Variants in NUP93 observed in about 807,000 individuals in gnomAD.
NUP93 encodes nuclear pore complex protein Nup93.
In NUP93, 55 loss-of-function variants were observed where a neutral mutation model predicts 107.8. The ratio of observed to expected loss-of-function variants is 0.51; its 90% CI spans 0.41 to 0.64. The LOEUF is 0.64. Among genes scored for constraint, NUP93 ranks in the 30% least tolerant of loss-of-function variants. The pLI is 0.00. For missense variants in NUP93, 937 were observed against 1,044.7 expected, an observed-to-expected ratio of 0.90 and a Z score of 1.42; for synonymous variants, 390 against 397.5, an observed-to-expected ratio of 0.98 and a Z score of 0.22.
At chr16:56,750,751 T>C in intron 2 of NUP93, among the ~76,000 whole-genome samples, 1 of 152,212 alleles carries the variant, frequency 6.6e-6, no homozygotes, top group Middle Eastern at 3.2e-3. Context: ...ACAGAGATCA[T>C]GTGCCCTGCA....
At chr16:56,816,749 C>A (rs957583086) in intron 5 of NUP93, among the ~76,000 whole-genome samples, 2 of 152,124 alleles carry the variant, frequency 1.3e-5, no homozygotes, top group African/African-American at 4.8e-5. Context: ...GGGATCAACA[C>A]ATGAGGACCT....
intron 1 of NUP93, among the ~76,000 whole-genome samples, chr16:56,744,134 T>G (rs1961782807): frequency 6.6e-6 from 1 of 152,166 alleles, no homozygotes; most frequent in African/African-American, 2.4e-5. Context: ...TTCCTGTGCC[T>G]CTCCTCCATA....
intron 3 of NUP93, among the ~76,000 whole-genome samples, chr16:56,763,478 C>G (rs1421381388): frequency 1.6e-4 from 24 of 151,624 alleles, no homozygotes; most frequent in Admixed American, 1.6e-3. Context: ...GTAGAAGGAA[C>G]TGCTTGTGTG....
chr16:56,830,611 A>G lies in NUP93; in HGVS notation c.1011A>G (p.Val337=), dbSNP rs959002149. 6 of 1,610,960 alleles carry G rather than the reference A, an allele frequency of 3.7e-6. No homozygotes were observed. The highest frequency in any genetic ancestry group is 5.1e-6 in the Non-Finnish European group (6 of 1,177,352). ...GAGACCTGCTTGCCGCTTCACAGGT[A>G]GTTAATCGAGCCCAGCACCAGCTGG... is the stretch of plus-strand genomic sequence containing the variant. ...RCGDLLAASQ[V]VNRAQHQLGE... Residue 337 remains valine (V), a synonymous_variant, in exon 10 of 22, where the codon GTA becomes GTG. Coordinates refer to ENST00000308159, the MANE Select transcript of NUP93 (RefSeq NM_014669.5).
At chr16:56,783,164 G>A (rs576992654) in intron 3 of NUP93, among the ~76,000 whole-genome samples, 14 of 152,254 alleles carry the variant, frequency 9.2e-5, no homozygotes, top group African/African-American at 3.1e-4. Flanking sequence ...GATGCATATG[G>A]CTTTTTATCC....
intron 2 of NUP93, among the ~76,000 whole-genome samples, chr16:56,750,517 G>A (rs533281485): frequency 6.6e-6 from 1 of 152,182 alleles, no homozygotes; most frequent in Non-Finnish European, 1.5e-5. Flanking sequence ...TTTTGTTTTA[G>A]AGAATAGCTT....
intron 1 of NUP93, among the ~76,000 whole-genome samples, chr16:56,747,616 A>G (rs1420377899): frequency 6.6e-6 from 1 of 151,910 alleles, no homozygotes; most frequent in Non-Finnish European, 1.5e-5. Flanking sequence ...GAATAACAGT[A>G]GGGGAGAGAG....
intron 3 of NUP93, chr16:56,782,137 CAT>C (rs1962527788): frequency 2.0e-6 from 2 of 985,226 alleles, no homozygotes; most frequent in African/African-American, 3.5e-5. Context: ...GAGCTCATCT[CAT>C]ATAAGAAGGT....
At chr16:56,730,539 C>A (rs1463600809) in intron 1 of NUP93, among the ~76,000 whole-genome samples, 2 of 152,148 alleles carry the variant, frequency 1.3e-5, no homozygotes, top group East Asian at 3.9e-4. Context: ...CCCGCGAGCC[C>A]ACCCTGCCTA....
chr16:56,760,945 C>A (rs1337895876), intron 3 of NUP93, among the ~76,000 whole-genome samples: 1 of 151,642 alleles, frequency 6.6e-6, no homozygotes, highest in Non-Finnish European at 1.5e-5. Context: ...GGTGACAGAG[C>A]AAGACCCTGT....
At position 56,847,647 on chromosome 16, in the gene NUP93, CA is replaced by C. The variant is rs2144660833; in HGVS notation, c.*3040del. The C allele has an allele frequency of 6.6e-6, 1 of 152,270 alleles. No individual in the cohort carries two copies. Among genetic ancestry groups the C allele is most frequent in the Non-Finnish European group, 1.5e-5 (1 of 68,012 alleles). 9.4% of individuals were successfully genotyped at this position (152,270 alleles called of 1,614,324 possible). A position where few individuals can be genotyped will look rare whatever the true frequency, so the allele number is the denominator to read the frequency against. On this transcript the variant is annotated 3_prime_UTR_variant, in exon 22 of 22. Transcript: ENST00000308159. The stretch of plus-strand genomic sequence containing the variant: ...TCTTCTTTTGGCTCAACAACAACAG[CA>C]ACAAAAAACTCTTTGACTCCCCAAC...
intron 1 of NUP93, among the ~76,000 whole-genome samples, chr16:56,740,245 C>A (rs1263240955): frequency 6.9e-6 from 1 of 144,878 alleles, no homozygotes; most frequent in East Asian, 2.1e-4. Flanking sequence ...AGCTGCCGGG[C>A]GGAGGGGCTC....
At chr16:56,821,688 C>A in intron 7 of NUP93, 95 bp downstream of exon 7, 2 of 720,204 alleles carry the variant, frequency 2.8e-6, no homozygotes, top group Non-Finnish European at 4.9e-6. Flanking sequence ...TGCGGAGACA[C>A]GCCATTCTGT....
chr16:56,826,406 C>T (rs923894435), intron 8 of NUP93, among the ~76,000 whole-genome samples: 2 of 151,386 alleles, frequency 1.3e-5, no homozygotes, highest in Non-Finnish European at 2.9e-5. Flanking sequence ...GTCCCAGCTA[C>T]TTGGGAGACT....
chr16:56,840,903 A>G (rs1458652379), intron 20 of NUP93, among the ~76,000 whole-genome samples: 5 of 152,084 alleles, frequency 3.3e-5, no homozygotes, highest in African/African-American at 1.2e-4. Context: ...AGGCTGAGGC[A>G]CGAGAATCGC....
In NUP93 at chr16:56,818,537, A is replaced by G. The variant is rs542318689; in HGVS notation, c.490-127A>G. 49 of 721,662 alleles carry G rather than the reference A, an allele frequency of 6.8e-5. No individual in the cohort carries two copies. The South Asian group carries it at 9.3e-4, about 14-fold the overall frequency. The allele number at this position is 721,662 out of a possible 1,614,324, so 44.7% of individuals were successfully genotyped here. ...ATCCCTAAAATCATCACTTTGAGGA[A>G]TTCTTAACTAGGAAACAGACTTTTC... On this transcript the variant is annotated intron_variant, in intron 5 of 21. Transcript: ENST00000308159.
intron 5 of NUP93, among the ~76,000 whole-genome samples, chr16:56,815,738 A>T (rs1022730839): frequency 1.3e-5 from 2 of 152,078 alleles, no homozygotes; most frequent in South Asian, 4.2e-4. Flanking sequence ...CTTCATCCCA[A>T]TCCTATGTGG....
intron 6 of NUP93, among the ~76,000 whole-genome samples, chr16:56,821,219 G>A (rs1963534674): frequency 6.6e-6 from 1 of 152,148 alleles, no homozygotes; most frequent in Admixed American, 6.5e-5. Context: ...GTCTTCCCCT[G>A]GGTGCTTCCT....
chr16:56,829,316 G>A (rs979941467), intron 9 of NUP93, among the ~76,000 whole-genome samples: 3 of 152,236 alleles, frequency 2.0e-5, no homozygotes, highest in Non-Finnish European at 4.4e-5. Flanking sequence ...GTGGAGAAGA[G>A]TGCATGGAGA....
Sources: allele counts gnomAD v4.1 joint callset (sites outside exome capture counted in the v4.1 genomes callset), GRCh38; gene constraint gnomAD v4.1.1; transcripts MANE v1.5; gene names NCBI Gene and HGNC (gene_info 2026-07-23, HGNC 2026-07-21).